The following DLAT variants were observed in gnomAD, a reference collection of about 807,000 sequenced individuals.
DLAT encodes dihydrolipoyllysine-residue acetyltransferase component of pyruvate dehydrogenase complex, mitochondrial.
A neutral mutation model predicts 68.0 loss-of-function variants in DLAT; 43 were observed. That is an observed-to-expected ratio of 0.63 (90% confidence interval 0.50 to 0.81). The LOEUF (loss-of-function observed/expected upper bound fraction) is 0.81. Among genes scored for constraint, DLAT ranks in the 40% least tolerant of loss-of-function variants. The probability of loss-of-function intolerance (pLI) is 0.00; values close to 1 mark genes in which losing one functional copy is unlikely to be tolerated. For missense variants in DLAT, 745 were observed against 815.4 expected, an observed-to-expected ratio of 0.91 and a Z score of 1.05; for synonymous variants, 265 against 288.6, an observed-to-expected ratio of 0.92 and a Z score of 0.83.
At chr11:112,028,990 T>C (rs1862251001) in intron 4 of DLAT, 45 bp downstream of exon 4, 2 of 1,610,620 alleles carry the variant, frequency 1.2e-6, no homozygotes, top group South Asian at 1.1e-5. Flanking sequence ...ATTACTTACT[T>C]ACTCACTTTT....
chr11:112,030,208 C>A, intron 4 of DLAT: 1 of 590,526 alleles, frequency 1.7e-6, no homozygotes. Context: ...GGAACCCCAT[C>A]TTTTCTGAAT....
intron 5 of DLAT, among the ~76,000 whole-genome samples, chr11:112,033,762 G>A (rs1555180157): frequency 6.6e-6 from 1 of 152,170 alleles, no homozygotes; most frequent in African/African-American, 2.4e-5. Flanking sequence ...CTGTTGCCCA[G>A]GCTGGAGTGC....
Position 112,062,396 on chromosome 11 carries a change from CT to C in DLAT, c.1815-5del. The stretch of plus-strand genomic sequence containing the variant: ...TTCAGAATATCTAAAATGTCTTTAT[CT>C]TTTTCTAGGTTTGATGTGGCTAGCA... On this transcript the variant is annotated splice_polypyrimidine_tract_variant and intron_variant, in intron 13 of 13. Coordinates refer to ENST00000280346, the MANE Select transcript of DLAT (RefSeq NM_001931.5). The C allele has an allele frequency of 6.2e-7, 1 of 1,612,170 alleles. No homozygotes were observed. The highest frequency in any genetic ancestry group is 8.5e-7 in the Non-Finnish European group (1 of 1,179,922).
intron 5 of DLAT, 35 bp downstream of exon 5, chr11:112,033,565 T>C (rs1555180142): frequency 1.2e-6 from 2 of 1,611,480 alleles, no homozygotes; most frequent in Non-Finnish European, 1.7e-6. Flanking sequence ...GTTGAGGCAC[T>C]GAGTTTCCCA....
rs782718731 is a variant in DLAT, at chr11:112,037,411, C to T, written c.926C>T (p.Thr309Ile). Residue 309 changes from threonine (T) to isoleucine (I), a missense_variant, in exon 6 of 14, where the codon ACC (threonine) becomes ATC (isoleucine). Transcript: ENST00000280346. ...TCAGCATTTGCTGACTATAGGCCAA[C>T]CGAAGTAACAGATTTAAAACCACAA... ...DISAFADYRP[T>I]EVTDLKPQVP... is the part of the protein sequence containing the mutation. The T allele has an allele frequency of 1.5e-5, 25 of 1,614,212 alleles. No individual in the cohort carries two copies. Among genetic ancestry groups the T allele is most frequent in the Non-Finnish European group, 2.0e-5 (24 of 1,180,034 alleles).
At position 112,043,506 on chromosome 11, in the gene DLAT, C is replaced by T. The variant is rs1353887719; in HGVS notation, c.1170C>T (p.Asp390=). The T allele has an allele frequency of 1.9e-6, 3 of 1,614,144 alleles. No individual in the cohort carries two copies. The highest frequency in any genetic ancestry group is 1.7e-6 in the Non-Finnish European group (2 of 1,179,996). The change falls in exon 8 of 14, where the codon GAC becomes GAT. Residue 390 remains aspartate (D), a synonymous_variant. Transcript: ENST00000280346. Reference sequence around the variant, plus strand: ...GTAGAATCACCAAGAAGGATATCGACTCTTTTGTGCCTAGTAAAGTTGCTC... The same window carrying T: ...GTAGAATCACCAAGAAGGATATCGATTCTTTTGTGCCTAGTAAAGTTGCTC... ...PDGRITKKDI[D]SFVPSKVAPA...
Position 112,064,062 on chromosome 11 carries a change from AATTTG to A in DLAT, c.*1532_*1536del. On this transcript the variant is annotated 3_prime_UTR_variant, in exon 14 of 14. Transcript: ENST00000280346. ...TGTATTATTATGAAAACAATACATTAATTTGATTTTTCAGTAATTAGTAATTTTAG... is the reference window on the plus strand; with the variant it reads ...TGTATTATTATGAAAACAATACATTAATTTTTCAGTAATTAGTAATTTTAG... 1.0e-6 allele frequency: 1 copy of A among 965,118 alleles called. No homozygotes were observed. Among genetic ancestry groups the A allele is most frequent in the African/African-American group, 1.7e-5 (1 of 60,382 alleles). 59.8% of individuals were successfully genotyped at this position (965,118 alleles called of 1,614,324 possible).
intron 11 of DLAT, among the ~76,000 whole-genome samples, chr11:112,053,969 C>T (rs1327183963): frequency 6.6e-6 from 1 of 152,026 alleles, no homozygotes; most frequent in African/African-American, 2.4e-5. Context: ...CATACACACA[C>T]ATAACACCAT....
intron 9 of DLAT, among the ~76,000 whole-genome samples, chr11:112,045,473 G>C (rs1206887913): frequency 2.6e-5 from 4 of 152,040 alleles, no homozygotes; most frequent in Admixed American, 6.5e-5. Context: ...AGATCACAAG[G>C]TCCAGACTTC....
chr11:112,039,433 TA>T (rs1555180841), intron 7 of DLAT, 36 bp downstream of exon 7: 1 of 1,609,038 alleles, frequency 6.2e-7, no homozygotes, highest in East Asian at 2.2e-5. Context: ...TTTATAAAGT[TA>T]AAATTTAGTT....
At chr11:112,028,368 G>A (rs1203129503) in intron 2 of DLAT, 147 bp from the exon 3 acceptor site, 4 of 888,178 alleles carry the variant, frequency 4.5e-6, no homozygotes, top group Non-Finnish European at 6.9e-6. Context: ...GCAATGAGCC[G>A]AGATTGCACC....
intron 5 of DLAT, among the ~76,000 whole-genome samples, chr11:112,035,154 T>C (rs1862634540): frequency 6.6e-6 from 1 of 152,206 alleles, no homozygotes; most frequent in African/African-American, 2.4e-5. Context: ...TCTGCCTTGG[T>C]TGTTTTCAGA....
intron 2 of DLAT, among the ~76,000 whole-genome samples, chr11:112,028,312 G>A (rs889780138): frequency 1.3e-5 from 2 of 151,498 alleles, no homozygotes; most frequent in African/African-American, 2.4e-5. Flanking sequence ...CCAGCTACTC[G>A]GGAGGCTGAG....
At chr11:112,032,520 A>G (rs1022131630) in intron 4 of DLAT, 1 of 152,060 alleles carries the variant, frequency 6.6e-6, no homozygotes, top group African/African-American at 2.4e-5. Flanking sequence ...ATGCTTCACG[A>G]ATTTGTTGTC....
chr11:112,040,167 A>C (rs1432171141), intron 7 of DLAT, among the ~76,000 whole-genome samples: 11 of 152,216 alleles, frequency 7.2e-5, no homozygotes, highest in Non-Finnish European at 1.3e-4. Context: ...TGCTTAAATA[A>C]GTTTTTTTGA....
chr11:112,029,016 C>G (rs1862253318), intron 4 of DLAT, 71 bp downstream of exon 4: 1 of 1,544,612 alleles, frequency 6.5e-7, no homozygotes. Flanking sequence ...TAGATGGCTA[C>G]TACATCTTGG....
At chr11:112,036,435 A>T (rs1409472500) in intron 5 of DLAT, among the ~76,000 whole-genome samples, 2 of 148,762 alleles carry the variant, frequency 1.3e-5, no homozygotes, top group Non-Finnish European at 3.0e-5. Flanking sequence ...CTGGTCTCGA[A>T]CTCCCGACCT....
intron 5 of DLAT, among the ~76,000 whole-genome samples, chr11:112,036,204 T>TGTGG (rs1566617833): frequency 1.2e-4 from 5 of 43,142 alleles, no homozygotes; most frequent in African/African-American, 3.7e-4. Context: ...TGTGTGTGTT[T>TGTGG]TTTTTTTTTT....
In DLAT at chr11:112,061,152, G is replaced by T; in HGVS notation, c.1792G>T (p.Val598Phe). 1 of 1,614,046 alleles carries T rather than the reference G, an allele frequency of 6.2e-7. No homozygotes were observed. ...AATTGGTGCTTCAGAGGATAAACTGGTCCCTGCAGATAATGAAAAAGGGTA... is the reference window on the plus strand; with the variant it reads ...AATTGGTGCTTCAGAGGATAAACTGTTCCCTGCAGATAATGAAAAAGGGTA... ...LAIGASEDKLVPADNEKGFDV... is the reference protein window; with the variant it reads ...LAIGASEDKLFPADNEKGFDV... The change falls in exon 13 of 14, where the codon GTC (valine) becomes TTC (phenylalanine). Residue 598 changes from valine to phenylalanine, a missense_variant. Physicochemically the swap from Val to Phe is conservative, Grantham distance 50 (BLOSUM62 -1). Coordinates refer to ENST00000280346, the MANE Select transcript of DLAT (RefSeq NM_001931.5).
Sources: allele counts gnomAD v4.1 joint callset (sites outside exome capture counted in the v4.1 genomes callset), GRCh38; gene constraint gnomAD v4.1.1; transcripts MANE v1.5; gene names NCBI Gene and HGNC (gene_info 2026-07-23, HGNC 2026-07-21).